Variants in MKLN1 observed in about 807,000 individuals in gnomAD.
The protein encoded by MKLN1 is muskelin 1, also known as muskelin.
A neutral mutation model predicts 99.0 loss-of-function variants in MKLN1; 18 were observed. That is an observed-to-expected ratio of 0.18 (90% confidence interval 0.13 to 0.27). The LOEUF is 0.27. Among genes scored for constraint, MKLN1 ranks in the 10% least tolerant of loss-of-function variants. MKLN1 has a pLI of 1.00. For synonymous variants in MKLN1, 288 were observed against 293.2 expected (o/e 0.98, Z 0.18); for missense variants, 621 against 875.9 (o/e 0.71, Z 3.67).
chr7:131,475,202 T>C (rs1171261493), intron 16 of MKLN1, among the ~76,000 whole-genome samples: 2 of 152,102 alleles, frequency 1.3e-5, no homozygotes, highest in East Asian at 3.9e-4. Context: ...CCTACATATA[T>C]TAAAAGTAAA....
At chr7:131,132,374 C>G (rs1456795889) in intron 1 of MKLN1, among the ~76,000 whole-genome samples, 2 of 152,184 alleles carry the variant, frequency 1.3e-5, no homozygotes, top group Non-Finnish European at 2.9e-5. Context: ...TTAAAAGGGA[C>G]TTTGACAGAC....
chr7:131,270,609 G>A (rs1167849343), intron 3 of MKLN1, among the ~76,000 whole-genome samples: 3 of 152,182 alleles, frequency 2.0e-5, no homozygotes, highest in South Asian at 2.1e-4. Context: ...GGTTAAGGGT[G>A]CAATCTTCAT....
intron 3 of MKLN1, among the ~76,000 whole-genome samples, chr7:131,314,462 A>G (rs36064418): frequency 0.49 from 75,122 of 151,932 alleles, 19,072 homozygotes; most frequent in Admixed American, 0.6. Context: ...TCGCTCTGTC[A>G]CCCAGGCTGG....
intron 1 of MKLN1, among the ~76,000 whole-genome samples, chr7:131,135,887 T>C (rs2116242937): frequency 6.6e-6 from 1 of 152,294 alleles, no homozygotes; most frequent in East Asian, 1.9e-4. Context: ...TGATAGATCA[T>C]GAACCAAAAT....
At chr7:131,424,012 C>G (rs1457100286) in intron 8 of MKLN1, among the ~76,000 whole-genome samples, 2 of 152,066 alleles carry the variant, frequency 1.3e-5, no homozygotes, top group East Asian at 3.8e-4. Context: ...CATGATACTT[C>G]AAGGGGATGG....
chr7:131,168,109 T>C (rs1346399740), intron 2 of MKLN1, among the ~76,000 whole-genome samples: 1 of 152,252 alleles, frequency 6.6e-6, no homozygotes, highest in Non-Finnish European at 1.5e-5. Context: ...TTTAATTTTT[T>C]ATAATAATCA....
At chr7:131,162,782 CAG>C (rs1189942382) in intron 2 of MKLN1, among the ~76,000 whole-genome samples, 1 of 152,190 alleles carries the variant, frequency 6.6e-6, no homozygotes, top group East Asian at 1.9e-4. Flanking sequence ...GTGCAAAAAA[CAG>C]AATGTAAAAT....
chr7:131,398,467 G>T (rs1794426029), intron 5 of MKLN1, among the ~76,000 whole-genome samples: 1 of 152,100 alleles, frequency 6.6e-6, no homozygotes, highest in Non-Finnish European at 1.5e-5. Context: ...ACCAAAGTGG[G>T]CAGATTGCCT....
At chr7:131,275,554 TATATA>T (rs1256754082) in intron 3 of MKLN1, among the ~76,000 whole-genome samples, 2 of 24,654 alleles carry the variant, frequency 8.1e-5, no homozygotes, top group East Asian at 9.1e-4. Context: ...TATATATATA[TATATA>T]TATATATATT....
chr7:131,112,145 CCT>C (rs1331714208), intron 1 of MKLN1, among the ~76,000 whole-genome samples: 1 of 152,098 alleles, frequency 6.6e-6, no homozygotes, highest in Non-Finnish European at 1.5e-5. Context: ...AAAATGAAGC[CCT>C]TTGAAAAAGA....
At chr7:131,288,976 T>A (rs760581864) in intron 3 of MKLN1, among the ~76,000 whole-genome samples, 94 of 150,288 alleles carry the variant, frequency 6.3e-4, no homozygotes, top group South Asian at 4.2e-4. Context: ...AGCCTTCTTT[T>A]AAAAAAAAAA....
At chr7:131,193,662 G>A (rs990272280) in intron 2 of MKLN1, among the ~76,000 whole-genome samples, 24 of 151,978 alleles carry the variant, frequency 1.6e-4, no homozygotes, top group Admixed American at 6.6e-4. Flanking sequence ...GATTACAGGC[G>A]TGAGCCACTG....
chr7:131,411,867 A>G (rs926155928), intron 7 of MKLN1, among the ~76,000 whole-genome samples: 3 of 132,388 alleles, frequency 2.3e-5, no homozygotes, highest in East Asian at 2.4e-4. Context: ...AGATCATGCT[A>G]TTGTACTCCG....
intron 1 of MKLN1, among the ~76,000 whole-genome samples, chr7:131,140,002 G>A (rs1170215384): frequency 2.6e-5 from 4 of 152,178 alleles, no homozygotes; most frequent in African/African-American, 9.6e-5. Context: ...CCTTGCCCTT[G>A]CAAGGAAATT....
intron 3 of MKLN1, among the ~76,000 whole-genome samples, chr7:131,288,323 A>G (rs1798163780): frequency 6.6e-6 from 1 of 151,848 alleles, no homozygotes. Context: ...CTCTTTCTGG[A>G]CTCTGATAAA....
At chr7:131,404,710 A>G (rs1460967094) in intron 6 of MKLN1, among the ~76,000 whole-genome samples, 1 of 151,668 alleles carries the variant, frequency 6.6e-6, no homozygotes, top group African/African-American at 2.4e-5. Flanking sequence ...GGCTCAAGTG[A>G]TCCTCTTACC....
At chr7:131,212,392 A>G (rs886405290) in intron 3 of MKLN1, among the ~76,000 whole-genome samples, 2 of 152,202 alleles carry the variant, frequency 1.3e-5, no homozygotes, top group Non-Finnish European at 2.9e-5. Flanking sequence ...GAGGGTGTTT[A>G]CATGAATAGA....
rs113483980 is a variant in MKLN1 at position 131,415,592 on chromosome 7, T to C, written c.847+882T>C. 3.5e-3 allele frequency among the ~76,000 whole-genome samples: 527 copies of C among 152,310 alleles called. 2 individuals are homozygous for C. Among genetic ancestry groups the C allele is most frequent in the African/African-American group, 0.012 (500 of 41,576 alleles). On this transcript the variant is annotated intron_variant, in intron 8 of 17. Transcript: ENST00000352689. ...CCTCTGAACTGGTTTGAGACTGTTA[T>C]TAGGGTCTCTTTGGAAAAGGTTCAT... is the stretch of plus-strand genomic sequence containing the variant.
chr7:131,170,040 C>T (rs766046383), intron 2 of MKLN1, among the ~76,000 whole-genome samples: 2 of 151,952 alleles, frequency 1.3e-5, no homozygotes, highest in Non-Finnish European at 2.9e-5. Flanking sequence ...TAGTGAGCTA[C>T]GATCATGCCA....
Sources: allele counts gnomAD v4.1 joint callset (sites outside exome capture counted in the v4.1 genomes callset), GRCh38; gene constraint gnomAD v4.1.1; transcripts MANE v1.5; gene names NCBI Gene and HGNC (gene_info 2026-07-23, HGNC 2026-07-21).